The following CHIC1 variants were observed in gnomAD, a reference collection of about 807,000 sequenced individuals.
CHIC1 encodes cysteine rich hydrophobic domain 1.
CHIC1 carries 7 observed loss-of-function variants against 18.5 expected under a neutral mutation model. The ratio of observed to expected loss-of-function variants is 0.38; its 90% CI spans 0.22 to 0.71. CHIC1 has a LOEUF of 0.71. CHIC1 is among the 30% of genes least tolerant of loss of function. CHIC1 has a pLI of 0.49. For missense variants in CHIC1, 159 were observed against 176.9 expected, an observed-to-expected ratio of 0.90 and a Z score of 0.57; for synonymous variants, 77 against 73.5, an observed-to-expected ratio of 1.05 and a Z score of -0.25.
intron 3 of CHIC1, among the ~76,000 whole-genome samples, chrX:73,639,706 G>A (rs895700519): frequency 9.0e-6 from 1 of 111,488 alleles, no homozygotes; most frequent in African/African-American, 3.3e-5. Flanking sequence ...TAGGAAAGTG[G>A]TCCAGTGTTT....
chrX:73,642,713 G>T (rs1414671395), intron 3 of CHIC1, among the ~76,000 whole-genome samples: 1 of 110,923 alleles, frequency 9.0e-6, no homozygotes, highest in Non-Finnish European at 1.9e-5. Flanking sequence ...TGTAAGGAAG[G>T]CATCCAGTTT....
At chrX:73,564,592 T>C (rs931312633) in intron 1 of CHIC1, among the ~76,000 whole-genome samples, 1 of 110,868 alleles carries the variant, frequency 9.0e-6, no homozygotes, top group Non-Finnish European at 1.9e-5. Flanking sequence ...GAAGTTTGAG[T>C]ACTGTGTCAT....
At position 73,584,651 on chromosome X, in the gene CHIC1, C is replaced by T. The variant is rs750500222; in HGVS notation, c.507+79C>T. On this transcript the variant is annotated intron_variant, in intron 3 of 5. Transcript: ENST00000373502. Reference sequence around the variant, plus strand: ...CTTACTATGTGCTATGAACTCTTTTCAAGTACTTTACACAATTTAGTTAAT... The same window carrying T: ...CTTACTATGTGCTATGAACTCTTTTTAAGTACTTTACACAATTTAGTTAAT... 2.5e-4 allele frequency: 183 copies of T among 723,930 alleles called. No homozygotes were observed. In the African/African-American group the frequency reaches 3.7e-3, roughly 15 times the overall value. 59.7% of individuals were successfully genotyped at this position (723,930 alleles called of 1,213,427 possible).
At chrX:73,678,604 G>A (rs1346657339) in intron 3 of CHIC1, among the ~76,000 whole-genome samples, 1 of 112,038 alleles carries the variant, frequency 8.9e-6, no homozygotes, top group Non-Finnish European at 1.9e-5. Flanking sequence ...GTCCATGATG[G>A]GCTAGGTAGG....
At chrX:73,584,793 A>G (rs1167442010) in intron 3 of CHIC1, among the ~76,000 whole-genome samples, 1 of 111,567 alleles carries the variant, frequency 9.0e-6, no homozygotes, top group African/African-American at 3.3e-5. Context: ...ATCATTTCAC[A>G]TAAAAGCAGT....
rs1046202982 is a variant in CHIC1, at chrX:73,685,838, T to A, written c.*4833T>A. On this transcript the variant is annotated 3_prime_UTR_variant, in exon 6 of 6. Coordinates refer to ENST00000373502, the MANE Select transcript of CHIC1 (RefSeq NM_001039840.4). ...TTAATAGTAAATTTTGTTATTAATC[T>A]CCTATGTGTTAAACGTGGGTAATTG... The A allele has an allele frequency of 9.0e-6, 1 of 111,683 alleles. No homozygotes were observed. Among genetic ancestry groups the A allele is most frequent in the Non-Finnish European group, 1.9e-5 (1 of 52,950 alleles). The allele number at this position is 111,683 out of a possible 1,213,427, so 9.2% of individuals were successfully genotyped here. A position where few individuals can be genotyped will look rare whatever the true frequency, so the allele number is the denominator to read the frequency against.
chrX:73,601,874 A>G (rs1180395995), intron 3 of CHIC1, among the ~76,000 whole-genome samples: 1 of 106,213 alleles, frequency 9.4e-6, no homozygotes, highest in African/African-American at 3.7e-5. Flanking sequence ...AAATGATAAA[A>G]GGGATATCAC....
intron 3 of CHIC1, among the ~76,000 whole-genome samples, chrX:73,657,653 A>G (rs2057957127): frequency 8.9e-6 from 1 of 111,836 alleles, no homozygotes; most frequent in South Asian, 3.7e-4. Flanking sequence ...TTCCAATACT[A>G]TGTTGAATAG....
At chrX:73,662,586 T>G (rs1375489668) in intron 3 of CHIC1, among the ~76,000 whole-genome samples, 5 of 107,533 alleles carry the variant, frequency 4.6e-5, no homozygotes, top group African/African-American at 1.7e-4. Context: ...TTGTAACTTA[T>G]CAGTAGTTTT....
chrX:73,623,259 A>T lies in CHIC1; in HGVS notation c.507+38687A>T, dbSNP rs1487306612. 3.6e-5 allele frequency among the ~76,000 whole-genome samples: 4 copies of T among 110,465 alleles called. No homozygotes were observed. The East Asian group carries it at 1.1e-3, about 32-fold the overall frequency. On this transcript the variant is annotated intron_variant, in intron 3 of 5. Coordinates refer to ENST00000373502, the MANE Select transcript of CHIC1 (RefSeq NM_001039840.4). ...TCCTTGTTAATTTTCTGTCTCATTG[A>T]TCTGTCTAATATTGACAGTGGGGTG...
chrX:73,659,129 A>G (rs2057966484), intron 3 of CHIC1, among the ~76,000 whole-genome samples: 1 of 111,916 alleles, frequency 8.9e-6, no homozygotes, highest in Admixed American at 9.5e-5. Flanking sequence ...AGAGAGCAGC[A>G]CTGCACACAA....
chrX:73,563,491 G>A lies in CHIC1; in HGVS notation c.207G>A (p.Ala69=). 8.7e-7 allele frequency: 1 copy of A among 1,142,977 alleles called. No individual in the cohort carries two copies. Among genetic ancestry groups the A allele is most frequent in the South Asian group, 2.2e-5 (1 of 45,591 alleles). The allele number at this position is 1,142,977 out of a possible 1,213,427, so 94.2% of individuals were successfully genotyped here. A position where few individuals can be genotyped will look rare whatever the true frequency, so the allele number is the denominator to read the frequency against. Residue 69 remains alanine, a synonymous_variant, in exon 1 of 6, where the codon GCG becomes GCA. Transcript: ENST00000373502. ...EEEEEEEEEE[A]PPPPRVVSEE... is the part of the protein sequence containing the mutation. The stretch of plus-strand genomic sequence containing the variant: ...AGGAGGAGGAAGAGGAGGAGGAAGC[G>A]CCGCCCCCGCCTCGGGTAGTGAGCG...
chrX:73,613,736 A>G (rs1267229811), intron 3 of CHIC1, among the ~76,000 whole-genome samples: 1 of 111,762 alleles, frequency 8.9e-6, no homozygotes, highest in Non-Finnish European at 1.9e-5. Flanking sequence ...TACTATTGGT[A>G]GATGAGAGCT....
At chrX:73,602,275 G>A (rs1434433125) in intron 3 of CHIC1, among the ~76,000 whole-genome samples, 2 of 109,147 alleles carry the variant, frequency 1.8e-5, no homozygotes, top group Non-Finnish European at 3.8e-5. Flanking sequence ...GACCAGTGAT[G>A]ATGAGCTTTT....
rs866495192 is a variant in CHIC1 at position 73,655,496 on chromosome X, A to G, written c.508-23830A>G. Among the ~76,000 whole-genome samples, 29 of 57,097 alleles carry G rather than the reference A, an allele frequency of 5.1e-4. 1 individual carries two copies. The highest frequency in any genetic ancestry group is 1.0e-3 in the African/African-American group (13 of 12,593). The allele number at this position is 57,097 out of a possible 115,157, so 49.6% of individuals were successfully genotyped here. ...TATACATATATACACAATATTGTGT[A>G]TATATATATACATATATACACAATA... On this transcript the variant is annotated intron_variant, in intron 3 of 5. Coordinates refer to ENST00000373502, the MANE Select transcript of CHIC1 (RefSeq NM_001039840.4).
chrX:73,679,467 G>A (rs1275328279), intron 4 of CHIC1, 85 bp downstream of exon 4: 1 of 678,142 alleles, frequency 1.5e-6, no homozygotes, highest in Non-Finnish European at 2.2e-6. Context: ...GAATTTTTAG[G>A]CCACAAAGGA....
intron 3 of CHIC1, among the ~76,000 whole-genome samples, chrX:73,596,799 T>C (rs1211163479): frequency 9.0e-6 from 1 of 111,387 alleles, no homozygotes. Flanking sequence ...ATTTAATAAA[T>C]GGTGTTGAGA....
chrX:73,629,816 A>G (rs932691515), intron 3 of CHIC1, among the ~76,000 whole-genome samples: 1 of 111,582 alleles, frequency 9.0e-6, no homozygotes, highest in Non-Finnish European at 1.9e-5. Flanking sequence ...GTTTTTTTCT[A>G]TTTCTGTGGG....
chrX:73,636,070 ATTC>A (rs2057830038), intron 3 of CHIC1, among the ~76,000 whole-genome samples: 1 of 111,653 alleles, frequency 9.0e-6, no homozygotes, highest in African/African-American at 3.3e-5. Flanking sequence ...CTTTTTATGT[ATTC>A]TTAGCTGCTA....
Sources: allele counts gnomAD v4.1 joint callset (sites outside exome capture counted in the v4.1 genomes callset), GRCh38; gene constraint gnomAD v4.1.1; transcripts MANE v1.5; gene names NCBI Gene and HGNC (gene_info 2026-07-23, HGNC 2026-07-21).